SPIRE1: variants seen among roughly 807,000 people sequenced by gnomAD.
SPIRE1 encodes spire type actin nucleation factor 1, also known as protein spire homolog 1.
A neutral mutation model predicts 94.1 loss-of-function variants in SPIRE1; 40 were observed. That is an observed-to-expected ratio of 0.43 (90% CI 0.33 to 0.55). The LOEUF is 0.55. Ranked by LOEUF, SPIRE1 falls within the 20% of genes least tolerant of loss-of-function variation. The pLI is 0.06. For synonymous variants in SPIRE1, 376 were observed against 371.7 expected, an observed-to-expected ratio of 1.01 and a Z score of -0.13; for missense variants, 838 against 975.2, an observed-to-expected ratio of 0.86 and a Z score of 1.87.
At chr18:12,492,896 G>C (rs1381674583) in intron 8 of SPIRE1, among the ~76,000 whole-genome samples, 176 bp downstream of exon 8, 5 of 152,156 alleles carry the variant, frequency 3.3e-5, no homozygotes, top group Non-Finnish European at 7.3e-5. Flanking sequence ...GAGGGGGTAT[G>C]TATATGAGAG....
intron 2 of SPIRE1, among the ~76,000 whole-genome samples, chr18:12,562,020 G>A (rs1257009784): frequency 2.6e-5 from 4 of 152,192 alleles, no homozygotes; most frequent in African/African-American, 9.7e-5. Context: ...GGGAAGGATT[G>A]TTAATGAGAT....
chr18:12,492,447 A>G (rs1285523704), intron 8 of SPIRE1, among the ~76,000 whole-genome samples: 2 of 152,218 alleles, frequency 1.3e-5, no homozygotes, highest in African/African-American at 4.8e-5. Context: ...CTTGTAGTAT[A>G]CACTAAAAAA....
intron 2 of SPIRE1, among the ~76,000 whole-genome samples, chr18:12,585,935 T>A (rs768270502): frequency 2.4e-4 from 36 of 152,186 alleles, no homozygotes; most frequent in Non-Finnish European, 1.0e-4. Context: ...TTTCATTTGT[T>A]ATATATGTAT....
intron 1 of SPIRE1, chr18:12,656,479 T>C (rs1418650188): frequency 6.5e-6 from 1 of 153,262 alleles, no homozygotes; most frequent in Non-Finnish European, 1.4e-5. Context: ...CTGGTGGAAC[T>C]GAAAGAATAA....
intron 3 of SPIRE1, among the ~76,000 whole-genome samples, chr18:12,544,858 T>A (rs146165485): frequency 1.3e-5 from 2 of 152,204 alleles, no homozygotes; most frequent in African/African-American, 4.8e-5. Context: ...CTTCCAAACC[T>A]GTAGTTTAAG....
At chr18:12,505,008 G>A (rs1463506064) in intron 6 of SPIRE1, among the ~76,000 whole-genome samples, 1 of 152,168 alleles carries the variant, frequency 6.6e-6, no homozygotes, top group Non-Finnish European at 1.5e-5. Context: ...TGAGGTCTGA[G>A]AGGTAACCTG....
At chr18:12,649,170 G>A (rs1259078791) in intron 1 of SPIRE1, among the ~76,000 whole-genome samples, 1 of 152,152 alleles carries the variant, frequency 6.6e-6, no homozygotes, top group African/African-American at 2.4e-5. Flanking sequence ...TCAGCACTTT[G>A]TGAGACTGAG....
At chr18:12,569,856 A>T (rs1396640373) in intron 2 of SPIRE1, among the ~76,000 whole-genome samples, 1 of 152,218 alleles carries the variant, frequency 6.6e-6, no homozygotes, top group South Asian at 2.1e-4. Flanking sequence ...TTAAAGCCCA[A>T]CCAATTGAAA....
intron 5 of SPIRE1, among the ~76,000 whole-genome samples, chr18:12,507,141 C>G (rs1442058576): frequency 6.6e-6 from 1 of 152,134 alleles, no homozygotes; most frequent in Non-Finnish European, 1.5e-5. Context: ...AGATGAGATA[C>G]CTGTAAAGTG....
At chr18:12,515,531 A>G (rs981110731) in intron 4 of SPIRE1, among the ~76,000 whole-genome samples, 1 of 152,140 alleles carries the variant, frequency 6.6e-6, no homozygotes, top group Non-Finnish European at 1.5e-5. Flanking sequence ...AAATAAAACA[A>G]AATATTAATA....
intron 4 of SPIRE1, among the ~76,000 whole-genome samples, chr18:12,528,349 G>T (rs2034584617): frequency 6.6e-6 from 1 of 152,208 alleles, no homozygotes; most frequent in African/African-American, 2.4e-5. Flanking sequence ...AAAGATGCCA[G>T]AGTGGAGTGC....
upstream of SPIRE1, among the ~76,000 whole-genome samples, chr18:12,659,562 C>T (rs905687765): frequency 1.3e-4 from 19 of 151,856 alleles, no homozygotes; most frequent in Admixed American, 1.2e-3. Context: ...CCCAGCTACC[C>T]GGGAGGCTGA....
chr18:12,614,263 AAAAT>A (rs1304230306), intron 2 of SPIRE1, among the ~76,000 whole-genome samples: 1 of 152,164 alleles, frequency 6.6e-6, no homozygotes, highest in African/African-American at 2.4e-5. Context: ...CCCATCTCTA[AAAAT>A]AAATAAATAA....
intron 9 of SPIRE1, among the ~76,000 whole-genome samples, chr18:12,481,769 A>T (rs1028871275): frequency 6.6e-5 from 10 of 152,236 alleles, no homozygotes; most frequent in Non-Finnish European, 1.0e-4. Context: ...TATACAAATT[A>T]TAAAGGTAAA....
chr18:12,520,914 T>C (rs1192082307), intron 4 of SPIRE1, among the ~76,000 whole-genome samples: 1 of 152,166 alleles, frequency 6.6e-6, no homozygotes, highest in African/African-American at 2.4e-5. Flanking sequence ...GAAAATAAGT[T>C]GAAGTCATGT....
intron 9 of SPIRE1, among the ~76,000 whole-genome samples, chr18:12,481,053 G>A (rs1403534726): frequency 2.6e-5 from 4 of 152,138 alleles, no homozygotes; most frequent in Non-Finnish European, 5.9e-5. Flanking sequence ...AATGTGGCCC[G>A]GCATGGTGGC....
chr18:12,530,821 A>T (rs891003068), intron 4 of SPIRE1, among the ~76,000 whole-genome samples: 1 of 152,218 alleles, frequency 6.6e-6, no homozygotes, highest in Non-Finnish European at 1.5e-5. Flanking sequence ...CTTTTAAAAC[A>T]GTGTACTCTT....
chr18:12,593,363 C>T (rs1295004569), intron 2 of SPIRE1, among the ~76,000 whole-genome samples: 5 of 152,150 alleles, frequency 3.3e-5, no homozygotes, highest in Non-Finnish European at 7.4e-5. Flanking sequence ...GAATTCATTT[C>T]CTTGCCAATA....
At chr18:12,531,365 C>T (rs2034677322) in intron 4 of SPIRE1, among the ~76,000 whole-genome samples, 1 of 152,238 alleles carries the variant, frequency 6.6e-6, no homozygotes. Flanking sequence ...CACATATTCT[C>T]TCTCCAGAAC....
Sources: allele counts gnomAD v4.1 joint callset (sites outside exome capture counted in the v4.1 genomes callset), GRCh38; gene constraint gnomAD v4.1.1; transcripts MANE v1.5; gene names NCBI Gene and HGNC (gene_info 2026-07-23, HGNC 2026-07-21).